Variants in NUP133 observed in about 807,000 individuals in gnomAD.
NUP133 encodes nuclear pore complex protein Nup133.
In NUP133, 66 loss-of-function variants were observed where a neutral mutation model predicts 146.2. That is an observed-to-expected ratio of 0.45 (90% CI 0.37 to 0.55). NUP133 has a LOEUF of 0.55. Among genes scored for constraint, NUP133 ranks in the 20% least tolerant of loss-of-function variants. The probability of loss-of-function intolerance (pLI) is 0.00; values close to 1 mark genes in which losing one functional copy is unlikely to be tolerated. For synonymous variants in NUP133, 521 were observed against 498.8 expected (o/e 1.04, Z -0.59); for missense variants, 1,277 against 1,374.8 (o/e 0.93, Z 1.12).
chr1:229,444,857 C>T, intron 25 of NUP133, 57 bp downstream of exon 25: 3 of 1,254,140 alleles, frequency 2.4e-6, no homozygotes, highest in African/African-American at 1.5e-5. Flanking sequence ...AAAAAAAAAC[C>T]CAAAAAACTG....
rs532651054 is a variant in NUP133, at chr1:229,442,013, T to G, written c.3362A>C (p.Glu1121Ala). 3 of 1,579,968 alleles carry G rather than the reference T, an allele frequency of 1.9e-6. No individual in the cohort carries two copies. Among genetic ancestry groups the G allele is most frequent in the Non-Finnish European group, 2.6e-6 (3 of 1,169,948 alleles). ...DGIQLSEYLP[E>A]VKDLLQADQL... ...ATCCGCTTGTAGCAGGTCTTTCACC[T>G]CCGGTAAGTACTCACTGAGCTGAAT... The change falls in exon 26 of 26, where the codon GAG becomes GCG. Residue 1121 changes from glutamate (E) to alanine (A), a missense_variant. By Grantham distance (107) the Glu-to-Ala change is moderately radical. Coordinates refer to ENST00000261396, the MANE Select transcript of NUP133 (RefSeq NM_018230.3).
intron 24 of NUP133, among the ~76,000 whole-genome samples, chr1:229,447,231 C>G (rs1198372807): frequency 6.6e-6 from 1 of 152,138 alleles, no homozygotes; most frequent in East Asian, 1.9e-4. Flanking sequence ...AGTCTTTAGG[C>G]TATTCTTGCT....
chr1:229,486,875 A>AC (rs764740558), intron 10 of NUP133, among the ~76,000 whole-genome samples: 29 of 151,176 alleles, frequency 1.9e-4, no homozygotes, highest in South Asian at 2.1e-4. Flanking sequence ...TTCTGACTTT[A>AC]ACTTACCACA....
At chr1:229,483,243 G>A (rs1019782574) in intron 12 of NUP133, among the ~76,000 whole-genome samples, 9 of 152,156 alleles carry the variant, frequency 5.9e-5, no homozygotes, top group Middle Eastern at 3.4e-3. Flanking sequence ...GACTAGAGGC[G>A]TGCATCACCA....
chr1:229,470,513 C>T (rs1660930080), intron 15 of NUP133, 67 bp downstream of exon 15: 2 of 1,306,730 alleles, frequency 1.5e-6, no homozygotes, highest in Admixed American at 3.5e-5. Flanking sequence ...CACCGTCTTT[C>T]CTGCCTAGGG....
At chr1:229,453,799 G>A (rs1660506918) in intron 21 of NUP133, among the ~76,000 whole-genome samples, 1 of 152,146 alleles carries the variant, frequency 6.6e-6, no homozygotes, top group Non-Finnish European at 1.5e-5. Flanking sequence ...TGCTATGTGA[G>A]GTCTGTGTTT....
intron 8 of NUP133, among the ~76,000 whole-genome samples, chr1:229,491,702 T>G (rs1209639089): frequency 6.6e-6 from 1 of 152,100 alleles, no homozygotes; most frequent in Non-Finnish European, 1.5e-5. Context: ...CACTTGAACC[T>G]GCGATGCAGA....
chr1:229,473,376 C>A (rs139998705), intron 14 of NUP133, among the ~76,000 whole-genome samples: 144 of 152,296 alleles, frequency 9.5e-4, no homozygotes, highest in African/African-American at 3.3e-3. Flanking sequence ...ACATAAAAGG[C>A]ATGGCTGGAA....
chr1:229,451,881 TAGAG>T (rs1417539752), intron 22 of NUP133, among the ~76,000 whole-genome samples: 4 of 152,230 alleles, frequency 2.6e-5, no homozygotes, highest in Non-Finnish European at 5.9e-5. Context: ...TGAGTTACAA[TAGAG>T]AGTAACTTCC....
chr1:229,473,384 G>A (rs1571921659), intron 14 of NUP133, among the ~76,000 whole-genome samples: 1 of 152,184 alleles, frequency 6.6e-6, no homozygotes, highest in East Asian at 1.9e-4. Flanking sequence ...GGCATGGCTG[G>A]AATGGGGTTT....
chr1:229,460,291 G>A (rs1025844534), intron 20 of NUP133, among the ~76,000 whole-genome samples: 3 of 152,162 alleles, frequency 2.0e-5, no homozygotes, highest in Non-Finnish European at 2.9e-5. Context: ...AACCTCCAGA[G>A]CTCAAGTGAT....
chr1:229,447,963 A>AGCCAAAACCC (rs978582749), intron 24 of NUP133, among the ~76,000 whole-genome samples: 2 of 152,174 alleles, frequency 1.3e-5, no homozygotes, highest in East Asian at 1.9e-4. Flanking sequence ...TAAAGAAGCC[A>AGCCAAAACCC]GCCAAAACCC....
rs115779935 is a variant in NUP133 at position 229,454,086 on chromosome 1, G to A, written c.2981-1443C>T. Among the ~76,000 whole-genome samples, 1,376 of 152,182 alleles carry A rather than the reference G, an allele frequency of 9.0e-3. 19 individuals are homozygous for A. The highest frequency in any genetic ancestry group is 0.031 in the African/African-American group (1,297 of 41,490). The stretch of plus-strand genomic sequence containing the variant: ...TTCAAGGGTCAACTGAGTTTCATTC[G>A]CAAATGGAAATGATGTAAAAGCTAC... On this transcript the variant is annotated intron_variant, in intron 21 of 25. Transcript: ENST00000261396.
intron 23 of NUP133, among the ~76,000 whole-genome samples, chr1:229,450,319 A>G (rs941018681): frequency 2.0e-5 from 3 of 152,222 alleles, no homozygotes; most frequent in African/African-American, 7.2e-5. Flanking sequence ...GATACCCAGG[A>G]ATGTGTGAGA....
chr1:229,501,848 T>C, intron 3 of NUP133, 151 bp downstream of exon 3: 2 of 590,040 alleles, frequency 3.4e-6, no homozygotes, highest in Non-Finnish European at 6.1e-6. Context: ...TGCATGCTCA[T>C]TATTTCACAT....
chr1:229,456,303 A>C (rs1252990440), intron 21 of NUP133, among the ~76,000 whole-genome samples: 4 of 152,182 alleles, frequency 2.6e-5, no homozygotes, highest in African/African-American at 9.7e-5. Flanking sequence ...TCTGGTGACC[A>C]GTTATTCACC....
intron 11 of NUP133, 58 bp from the exon 12 acceptor site, chr1:229,484,203 G>T: frequency 7.7e-7 from 1 of 1,300,010 alleles, no homozygotes; most frequent in South Asian, 1.2e-5. Context: ...CTTAATTATT[G>T]GACTAAAAAC....
intron 25 of NUP133, among the ~76,000 whole-genome samples, chr1:229,443,652 T>C (rs901096192): frequency 2.6e-5 from 4 of 151,982 alleles, no homozygotes; most frequent in African/African-American, 9.7e-5. Flanking sequence ...AAAAGTACAT[T>C]TGTCCTGTTA....
At chr1:229,499,311 C>G in intron 5 of NUP133, 1 of 465,890 alleles carries the variant, frequency 2.1e-6, no homozygotes, top group Admixed American at 2.4e-5. Context: ...ATTCATATCA[C>G]AAGCTACTAT....
Sources: allele counts gnomAD v4.1 joint callset (sites outside exome capture counted in the v4.1 genomes callset), GRCh38; gene constraint gnomAD v4.1.1; transcripts MANE v1.5; gene names NCBI Gene and HGNC (gene_info 2026-07-23, HGNC 2026-07-21).